CCDC6: variants seen among roughly 807,000 people sequenced by gnomAD.
The protein encoded by CCDC6 is coiled-coil domain-containing protein 6.
In CCDC6, 20 loss-of-function variants were observed where a neutral mutation model predicts 56.6. The observed-to-expected ratio is 0.35, with a 90% CI of 0.25 to 0.51. The LOEUF is 0.51. Among genes scored for constraint, CCDC6 ranks in the 20% least tolerant of loss-of-function variants. The probability of loss-of-function intolerance (pLI) is 0.95; values close to 1 mark genes in which losing one functional copy is unlikely to be tolerated. For missense variants in CCDC6, 367 were observed against 601.1 expected, an observed-to-expected ratio of 0.61 and a Z score of 4.07; for synonymous variants, 241 against 234.4, an observed-to-expected ratio of 1.03 and a Z score of -0.26.
intron 2 of CCDC6, among the ~76,000 whole-genome samples, chr10:59,843,833 T>C (rs577377223): frequency 3.9e-5 from 6 of 152,232 alleles, no homozygotes; most frequent in Non-Finnish European, 8.8e-5. Flanking sequence ...AGTCTAAGCA[T>C]GCAGCCCTTC....
chr10:59,824,600 A>G (rs2070772267), intron 3 of CCDC6, among the ~76,000 whole-genome samples: 1 of 152,196 alleles, frequency 6.6e-6, no homozygotes. Flanking sequence ...AAATGTGCAG[A>G]CATAAGTTAT....
At chr10:59,828,077 G>A (rs1279506381) in intron 3 of CCDC6, among the ~76,000 whole-genome samples, 1 of 152,162 alleles carries the variant, frequency 6.6e-6, no homozygotes, top group Non-Finnish European at 1.5e-5. Context: ...GACAAGTAAG[G>A]AAAATTTTCC....
intron 1 of CCDC6, among the ~76,000 whole-genome samples, chr10:59,859,975 G>A (rs1438586598): frequency 2.6e-5 from 4 of 152,166 alleles, no homozygotes; most frequent in Non-Finnish European, 1.5e-5. Context: ...CCAGCTACTC[G>A]GAAAGCTGAG....
At chr10:59,850,741 A>G (rs142181831) in intron 2 of CCDC6, among the ~76,000 whole-genome samples, 181 of 152,236 alleles carry the variant, frequency 1.2e-3, no homozygotes, top group African/African-American at 4.2e-3. Context: ...TAGATATAAG[A>G]ATTATGAAAA....
At chr10:59,892,641 T>C (rs569242175) in intron 1 of CCDC6, among the ~76,000 whole-genome samples, 39 of 151,674 alleles carry the variant, frequency 2.6e-4, no homozygotes, top group Non-Finnish European at 4.3e-4. Context: ...GTACTAATAA[T>C]AGTTAATATC....
At chr10:59,834,638 G>A (rs2070865633) in intron 2 of CCDC6, among the ~76,000 whole-genome samples, 1 of 151,898 alleles carries the variant, frequency 6.6e-6, no homozygotes, top group Non-Finnish European at 1.5e-5. Flanking sequence ...TGACTAAATA[G>A]ATGCTGTTTT....
At chr10:59,831,918 A>AAG (rs1239405979) in intron 3 of CCDC6, among the ~76,000 whole-genome samples, 6 of 152,228 alleles carry the variant, frequency 3.9e-5, no homozygotes, top group Admixed American at 3.3e-4. Flanking sequence ...TCCCTTGTTA[A>AAG]GTTTGCCATT....
At chr10:59,873,328 G>A (rs1383256421) in intron 1 of CCDC6, among the ~76,000 whole-genome samples, 1 of 152,074 alleles carries the variant, frequency 6.6e-6, no homozygotes, top group African/African-American at 2.4e-5. Flanking sequence ...CTTATAAGAA[G>A]GGAAAATACA....
At chr10:59,828,984 G>A (rs1388285932) in intron 3 of CCDC6, among the ~76,000 whole-genome samples, 3 of 152,178 alleles carry the variant, frequency 2.0e-5, no homozygotes, top group African/African-American at 4.8e-5. Context: ...ATAGCCCATA[G>A]ACCTTCATGA....
rs561096372 is a variant in CCDC6 at position 59,842,915 on chromosome 10, G to A, written c.453+9638C>T. Among the ~76,000 whole-genome samples, 10 of 152,112 alleles carry A rather than the reference G, an allele frequency of 6.6e-5. No homozygotes were observed. In the East Asian group the frequency reaches 1.9e-3, roughly 29 times the overall value. ...ACTACAGGCACCTGCCACCGCCCCC[G>A]GCTAATTGCTTGTATTTTTAGTAGA... On this transcript the variant is annotated intron_variant, in intron 2 of 8. Transcript: ENST00000263102.
chr10:59,838,571 G>A (rs2070906683), intron 2 of CCDC6, among the ~76,000 whole-genome samples: 2 of 152,126 alleles, frequency 1.3e-5, no homozygotes, highest in Non-Finnish European at 2.9e-5. Flanking sequence ...ATGCCTTCAG[G>A]GTTCATGCAT....
chr10:59,861,898 G>A (rs573749288), intron 1 of CCDC6, among the ~76,000 whole-genome samples: 2 of 152,292 alleles, frequency 1.3e-5, no homozygotes, highest in Middle Eastern at 3.4e-3. Flanking sequence ...GAAGACTTGA[G>A]AAGATATGGC....
intron 1 of CCDC6, among the ~76,000 whole-genome samples, chr10:59,894,917 T>C (rs2071450713): frequency 6.6e-6 from 1 of 152,150 alleles, no homozygotes; most frequent in African/African-American, 2.4e-5. Context: ...ATCCTGGGAA[T>C]TTGCTGTGGC....
chr10:59,805,743 C>T (rs892167106), intron 6 of CCDC6, among the ~76,000 whole-genome samples: 2 of 152,098 alleles, frequency 1.3e-5, no homozygotes, highest in African/African-American at 4.8e-5. Flanking sequence ...AAGAGGCATA[C>T]ACATAGGTAT....
At chr10:59,837,746 CAAAA>C (rs397940135) in intron 2 of CCDC6, among the ~76,000 whole-genome samples, 20 of 49,744 alleles carry the variant, frequency 4.0e-4, no homozygotes, top group Non-Finnish European at 6.4e-4. Flanking sequence ...GACTCTGTCT[CAAAA>C]AAAAAAAAAA....
intron 7 of CCDC6, among the ~76,000 whole-genome samples, chr10:59,798,895 G>A (rs1304035602): frequency 6.6e-6 from 1 of 150,422 alleles, no homozygotes; most frequent in African/African-American, 2.5e-5. Flanking sequence ...TCAGGAGGCT[G>A]AGGCAGGAGA....
chr10:59,902,447 G>A (rs1448295811), intron 1 of CCDC6, among the ~76,000 whole-genome samples: 2 of 141,906 alleles, frequency 1.4e-5, no homozygotes, highest in East Asian at 2.0e-4. Context: ...AGACTGGAGT[G>A]CAGTGGTGCG....
At chr10:59,858,144 C>G (rs1283362178) in intron 1 of CCDC6, among the ~76,000 whole-genome samples, 1 of 152,196 alleles carries the variant, frequency 6.6e-6, no homozygotes, top group Non-Finnish European at 1.5e-5. Context: ...GGGTAGGTAA[C>G]AGATGACACA....
intron 6 of CCDC6, chr10:59,806,650 C>T: frequency 2.8e-6 from 1 of 363,488 alleles, no homozygotes; most frequent in Non-Finnish European, 5.0e-6. Context: ...CAAATGCAAA[C>T]TCTGCTGCTT....
Sources: gnomAD v4.1 joint callset for allele counts (sites outside exome capture counted in the v4.1 genomes callset) on GRCh38, gnomAD v4.1.1 for gene constraint, MANE v1.5 for transcripts, NCBI Gene and HGNC (gene_info 2026-07-23, HGNC 2026-07-21) for gene names.